Variants in BANK1 observed in about 807,000 individuals in gnomAD.
The protein encoded by BANK1 is B-cell scaffold protein with ankyrin repeats.
A neutral mutation model predicts 94.5 loss-of-function variants in BANK1; 95 were observed. The ratio of observed to expected loss-of-function variants is 1.00; its 90% CI spans 0.85 to 1.19. The LOEUF is 1.19. BANK1 is among the 50% of genes most tolerant of loss of function. The pLI is 0.00. For missense variants in BANK1, 987 were observed against 932.2 expected, an observed-to-expected ratio of 1.06 and a Z score of -0.77; for synonymous variants, 334 against 308.4, an observed-to-expected ratio of 1.08 and a Z score of -0.87.
At chr4:102,053,286 AC>A (rs1299955335) in intron 11 of BANK1, among the ~76,000 whole-genome samples, 2 of 152,196 alleles carry the variant, frequency 1.3e-5, no homozygotes, top group African/African-American at 4.8e-5. Flanking sequence ...TCACTATGAG[AC>A]AGGAAAAAGT....
At chr4:101,831,212 CA>C (rs745725442) in intron 2 of BANK1, among the ~76,000 whole-genome samples, 2 of 152,132 alleles carry the variant, frequency 1.3e-5, no homozygotes, top group Non-Finnish European at 2.9e-5. Flanking sequence ...TCTGGGCATA[CA>C]AGCCATTCCC....
At chr4:101,863,969 G>C (rs1387966262) in intron 4 of BANK1, among the ~76,000 whole-genome samples, 1 of 152,066 alleles carries the variant, frequency 6.6e-6, no homozygotes, top group Non-Finnish European at 1.5e-5. Context: ...TTTTTGCTCA[G>C]TATACCTACT....
rs893222221 is a variant in BANK1, at chr4:102,021,562, G to C, written c.1255G>C (p.Asp419His). 6.9e-7 allele frequency: 1 copy of C among 1,453,048 alleles called. No homozygotes were observed. Among genetic ancestry groups the C allele is most frequent in the African/African-American group, 1.5e-5 (1 of 68,612 alleles). 90.0% of individuals were successfully genotyped at this position (1,453,048 alleles called of 1,614,324 possible). The change falls in exon 8 of 17, where the codon GAT (aspartate) becomes CAT (histidine). Residue 419 changes from aspartate to histidine, a missense_variant. By Grantham distance (81) the Asp-to-His change is moderately conservative (BLOSUM62 -1). Coordinates refer to ENST00000322953, the MANE Select transcript of BANK1 (RefSeq NM_017935.5). ...TGAGCAAGAAAATGATTATGAAGAG[G>C]ATATTGCCTCATTTTCCACATATAT... Reference protein sequence around the residue: ...NNEQENDYEEDIASFSTYIPS... With the variant: ...NNEQENDYEEHIASFSTYIPS...
At chr4:101,894,541 CA>C (rs1329283575) in intron 5 of BANK1, among the ~76,000 whole-genome samples, 1 of 151,858 alleles carries the variant, frequency 6.6e-6, no homozygotes, top group Non-Finnish European at 1.5e-5. Context: ...GAAATCCTTT[CA>C]AAACTCTTAA....
At chr4:101,878,977 A>G (rs899869080) in intron 5 of BANK1, among the ~76,000 whole-genome samples, 2 of 144,704 alleles carry the variant, frequency 1.4e-5, no homozygotes, top group Admixed American at 6.8e-5. Flanking sequence ...GTTTATATCT[A>G]TAAGTGCCTA....
chr4:102,023,180 A>C (rs539898726), intron 8 of BANK1, among the ~76,000 whole-genome samples: 1 of 152,306 alleles, frequency 6.6e-6, no homozygotes, highest in East Asian at 1.9e-4. Context: ...ATTGACCACA[A>C]GTTTTTCAAA....
intron 7 of BANK1, among the ~76,000 whole-genome samples, chr4:101,983,798 C>T (rs1029457704): frequency 1.3e-5 from 2 of 152,044 alleles, no homozygotes; most frequent in African/African-American, 4.8e-5. Context: ...TTCAAAGCCT[C>T]CCCAAATTAG....
intron 11 of BANK1, among the ~76,000 whole-genome samples, chr4:102,050,658 C>G (rs2631270): frequency 0.16 from 24,235 of 152,146 alleles, 2,221 homozygotes; most frequent in East Asian, 0.3. Flanking sequence ...TTTCCAACCA[C>G]TCCCTATTAT....
intron 7 of BANK1, among the ~76,000 whole-genome samples, chr4:101,936,309 A>G (rs910131336): frequency 2.0e-5 from 3 of 150,142 alleles, no homozygotes; most frequent in African/African-American, 4.9e-5. Flanking sequence ...ATACATGCAT[A>G]TGTACACATA....
At chr4:101,861,064 C>T (rs1359287902) in intron 3 of BANK1, among the ~76,000 whole-genome samples, 1 of 152,200 alleles carries the variant, frequency 6.6e-6, no homozygotes, top group Admixed American at 6.5e-5. Context: ...GGCTTACACT[C>T]CGGCTTTTCT....
intron 7 of BANK1, among the ~76,000 whole-genome samples, chr4:101,989,348 T>G (rs1221117352): frequency 6.7e-6 from 1 of 149,936 alleles, no homozygotes; most frequent in Non-Finnish European, 1.5e-5. Context: ...GGAGAATCGC[T>G]TGAACCCAGG....
At chr4:102,054,723 T>C (rs1728171895) in intron 11 of BANK1, among the ~76,000 whole-genome samples, 1 of 152,116 alleles carries the variant, frequency 6.6e-6, no homozygotes, top group South Asian at 2.1e-4. Flanking sequence ...GTTACTTACC[T>C]ACTGAATTAG....
At chr4:101,818,777 A>T (rs1461307627) in intron 1 of BANK1, among the ~76,000 whole-genome samples, 1 of 152,070 alleles carries the variant, frequency 6.6e-6, no homozygotes, top group East Asian at 1.9e-4. Context: ...ATAGCAAAAA[A>T]GCTTAGTATA....
At position 101,862,526 on chromosome 4, in the gene BANK1, A is replaced by G. The variant is rs113701918; in HGVS notation, c.625A>G (p.Asn209Asp). 2 of 1,597,648 alleles carry G rather than the reference A, an allele frequency of 1.3e-6. No individual in the cohort carries two copies. Among genetic ancestry groups the G allele is most frequent in the South Asian group, 2.3e-5 (2 of 87,036 alleles). ...VVLPTEIPCE[N>D]PGEIFIILRD... ...AATGGGTTACATTTTCATCTTACAG[A>G]ATCCTGGTGAAATATTCATAATTTT... Residue 209 changes from asparagine (N) to aspartate (D), a missense_variant and splice_region_variant, in exon 4 of 17, where the codon AAT becomes GAT. By Grantham distance (23) the Asn-to-Asp change is conservative. Transcript: ENST00000322953.
intron 1 of BANK1, among the ~76,000 whole-genome samples, chr4:101,814,738 C>T (rs920621482): frequency 4.6e-5 from 7 of 152,104 alleles, no homozygotes; most frequent in African/African-American, 1.7e-4. Context: ...GTGGCTTTAA[C>T]GTTTTTGTTT....
intron 7 of BANK1, among the ~76,000 whole-genome samples, chr4:101,982,650 A>G (rs1437244554): frequency 6.6e-6 from 1 of 151,978 alleles, no homozygotes; most frequent in African/African-American, 2.4e-5. Flanking sequence ...TACAGCTCCT[A>G]TCACACCTTT....
At chr4:101,929,101 T>C (rs1723258474) in intron 7 of BANK1, among the ~76,000 whole-genome samples, 1 of 151,704 alleles carries the variant, frequency 6.6e-6, no homozygotes, top group Non-Finnish European at 1.5e-5. Flanking sequence ...TTCTCCTTTG[T>C]TCTTTTCTTG....
At chr4:101,888,081 C>T (rs78605617) in intron 5 of BANK1, among the ~76,000 whole-genome samples, 3,912 of 152,184 alleles carry the variant, frequency 0.026, 179 homozygotes, top group African/African-American at 0.09. Flanking sequence ...CATTTAAGAA[C>T]AGAGCAACAA....
intron 7 of BANK1, among the ~76,000 whole-genome samples, chr4:102,010,395 T>C (rs1726466813): frequency 6.7e-6 from 1 of 150,234 alleles, no homozygotes; most frequent in Non-Finnish European, 1.5e-5. Flanking sequence ...TAATTTCTTT[T>C]TTTTTTTTTT....
Sources: gnomAD v4.1 joint callset for allele counts (sites outside exome capture counted in the v4.1 genomes callset) on GRCh38, gnomAD v4.1.1 for gene constraint, MANE v1.5 for transcripts, NCBI Gene and HGNC (gene_info 2026-07-23, HGNC 2026-07-21) for gene names.